The following RPRD1A variants were observed in gnomAD, a reference collection of about 807,000 sequenced individuals.
The protein encoded by RPRD1A is regulation of nuclear pre-mRNA domain containing 1A.
Under a neutral mutation model 37.8 loss-of-function variants are expected in RPRD1A, and 9 were observed. The ratio of observed to expected loss-of-function variants is 0.24; its 90% CI spans 0.14 to 0.42. The LOEUF (loss-of-function observed/expected upper bound fraction) is 0.42, where lower values mean the gene tolerates loss of function less well. RPRD1A is among the 10% of genes least tolerant of loss of function. The pLI is 1.00. For missense variants in RPRD1A, 255 were observed against 371.0 expected (o/e 0.69, Z 2.57); for synonymous variants, 138 against 139.7 (o/e 0.99, Z 0.08).
At chr18:36,059,574 A>T (rs1234028090) in intron 1 of RPRD1A, among the ~76,000 whole-genome samples, 1 of 152,224 alleles carries the variant, frequency 6.6e-6, no homozygotes, top group Non-Finnish European at 1.5e-5. Context: ...ACCCACATAA[A>T]CAAAAGATTT....
chr18:36,034,843 TA>T, intron 1 of RPRD1A, among the ~76,000 whole-genome samples: 1 of 152,284 alleles, frequency 6.6e-6, no homozygotes, highest in East Asian at 1.9e-4. Context: ...TTTGACATAT[TA>T]AAAAGTCACC....
At chr18:36,061,400 G>A (rs1451317323) in intron 1 of RPRD1A, among the ~76,000 whole-genome samples, 1 of 152,130 alleles carries the variant, frequency 6.6e-6, no homozygotes, top group East Asian at 1.9e-4. Flanking sequence ...CATAAAAGAG[G>A]CTGGTACAAA....
At chr18:36,054,564 G>A (rs1428226770) in intron 1 of RPRD1A, among the ~76,000 whole-genome samples, 2 of 152,134 alleles carry the variant, frequency 1.3e-5, no homozygotes, top group Non-Finnish European at 2.9e-5. Context: ...TTTACTTGGG[G>A]ATCTCCAAAG....
chr18:36,025,535 T>C (rs1239176765), intron 6 of RPRD1A: 2 of 770,760 alleles, frequency 2.6e-6, no homozygotes, highest in African/African-American at 3.7e-5. Flanking sequence ...AGTGAGAAAG[T>C]ATAAAGCAGA....
chr18:36,026,817 T>C, intron 6 of RPRD1A, 83 bp downstream of exon 6: 1 of 1,328,168 alleles, frequency 7.5e-7, no homozygotes, highest in South Asian at 1.5e-5. Flanking sequence ...ATGCAAAATG[T>C]GCACATAGAT....
intron 6 of RPRD1A, among the ~76,000 whole-genome samples, chr18:36,005,124 A>G (rs1909664588): frequency 6.6e-6 from 1 of 151,820 alleles, no homozygotes; most frequent in Non-Finnish European, 1.5e-5. Context: ...ACACGGTGAA[A>G]CCCCGTCTCC....
rs1908720560 is a variant in RPRD1A at position 35,991,607 on chromosome 18, A to ACAAC, written c.*1543_*1544insGTTG. The ACAAC allele has an allele frequency of 6.6e-6, 1 of 152,194 alleles. No homozygotes were observed. Among genetic ancestry groups the ACAAC allele is most frequent in the African/African-American group, 2.4e-5 (1 of 41,440 alleles). 9.4% of individuals were successfully genotyped at this position (152,194 alleles called of 1,614,324 possible). A position where few individuals can be genotyped will look rare whatever the true frequency, so the allele number is the denominator to read the frequency against. ...TTCTTTCTGTGAGAAAATGCACCCC[A>ACAAC]AGTCCCAAAAGTTGACTAAAAACTT... On this transcript the variant is annotated 3_prime_UTR_variant, in exon 7 of 7. Transcript: ENST00000399022.
intron 1 of RPRD1A, among the ~76,000 whole-genome samples, chr18:36,041,888 A>G (rs1912608532): frequency 6.6e-6 from 1 of 152,196 alleles, no homozygotes; most frequent in Non-Finnish European, 1.5e-5. Flanking sequence ...GTGGGTGAAA[A>G]GTGGGTAGAG....
At chr18:36,065,516 C>T (rs1287729869) in intron 1 of RPRD1A, among the ~76,000 whole-genome samples, 1 of 152,186 alleles carries the variant, frequency 6.6e-6, no homozygotes, top group East Asian at 1.9e-4. Context: ...GGCAGGGTCT[C>T]ACTTGTTTTC....
chr18:36,038,108 A>T (rs1568138322), intron 1 of RPRD1A, among the ~76,000 whole-genome samples: 1 of 152,248 alleles, frequency 6.6e-6, no homozygotes, highest in Non-Finnish European at 1.5e-5. Context: ...AGAGAAATTC[A>T]GGTGGGCTGC....
intron 1 of RPRD1A, among the ~76,000 whole-genome samples, chr18:36,064,625 C>T (rs944251892): frequency 5.9e-5 from 9 of 152,130 alleles, no homozygotes; most frequent in Non-Finnish European, 1.0e-4. Flanking sequence ...GATCATAAAA[C>T]GCACCAATCA....
intron 1 of RPRD1A, among the ~76,000 whole-genome samples, chr18:36,065,823 T>C (rs1453303666): frequency 6.6e-6 from 1 of 152,234 alleles, no homozygotes; most frequent in Non-Finnish European, 1.5e-5. Context: ...TTAAGTATCA[T>C]TTATTGACCT....
chr18:36,034,379 A>G (rs576563328), intron 1 of RPRD1A, among the ~76,000 whole-genome samples: 1 of 152,300 alleles, frequency 6.6e-6, no homozygotes, highest in South Asian at 2.1e-4. Context: ...TTTAGATTAC[A>G]TGGCCATAAA....
chr18:36,016,869 A>G (rs1324973312), intron 6 of RPRD1A, among the ~76,000 whole-genome samples: 1 of 152,212 alleles, frequency 6.6e-6, no homozygotes, highest in Non-Finnish European at 1.5e-5. Flanking sequence ...AAAAGACACT[A>G]TATAAAATGA....
chr18:36,018,768 T>C (rs369012031), intron 6 of RPRD1A, among the ~76,000 whole-genome samples: 2 of 151,784 alleles, frequency 1.3e-5, no homozygotes, highest in East Asian at 1.9e-4. Context: ...AGAAAGAATA[T>C]GGAAGAAAAA....
Position 36,067,532 on chromosome 18 carries a change from T to G in RPRD1A, c.-128A>C. 1.0e-6 allele frequency: 1 copy of G among 960,678 alleles called. No individual in the cohort carries two copies. The highest frequency in any genetic ancestry group is 3.1e-5 in the East Asian group (1 of 32,154). The allele number at this position is 960,678 out of a possible 1,614,324, so 59.5% of individuals were successfully genotyped here. A position where few individuals can be genotyped will look rare whatever the true frequency, so the allele number is the denominator to read the frequency against. Reference sequence around the variant, plus strand: ...CGCTCTCACCACGGCCGCCGCTTCATCCAAGACCGGCCGCAAACCAGCAAG... The same window carrying G: ...CGCTCTCACCACGGCCGCCGCTTCAGCCAAGACCGGCCGCAAACCAGCAAG... On this transcript the variant is annotated 5_prime_UTR_variant, in exon 1 of 7. An upstream start codon of the reference 5' UTR is lost. Transcript: ENST00000399022.
Position 36,030,675 on chromosome 18 carries a change from T to G in RPRD1A, c.486+133A>C, listed in dbSNP as rs1041691949. The stretch of plus-strand genomic sequence containing the variant: ...AAGCAATTTGTTAATGAGGAAGAGA[T>G]ATTCATGTGGCTTCTTTCTTGTACC... On this transcript the variant is annotated intron_variant, in intron 4 of 6. Transcript: ENST00000399022. 1.2e-5 allele frequency: 7 copies of G among 598,744 alleles called. No homozygotes were observed. The African/African-American group carries it at 1.3e-4, about 11-fold the overall frequency. The allele number at this position is 598,744 out of a possible 1,614,324, so 37.1% of individuals were successfully genotyped here.
intron 1 of RPRD1A, among the ~76,000 whole-genome samples, chr18:36,052,156 C>CAAA (rs533283216): frequency 7.3e-5 from 1 of 13,608 alleles, no homozygotes. Flanking sequence ...AACATCCTAA[C>CAAA]AGAAAAAAAA....
chr18:36,059,942 A>G (rs765276103), intron 1 of RPRD1A, among the ~76,000 whole-genome samples: 1 of 152,210 alleles, frequency 6.6e-6, no homozygotes, highest in Non-Finnish European at 1.5e-5. Context: ...TCACCATGTC[A>G]GTTTGACAAC....
Sources: allele counts gnomAD v4.1 joint callset (sites outside exome capture counted in the v4.1 genomes callset), GRCh38; gene constraint gnomAD v4.1.1; transcripts MANE v1.5; gene names NCBI Gene and HGNC (gene_info 2026-07-23, HGNC 2026-07-21).